ADAMTS17: variants seen among roughly 807,000 people sequenced by gnomAD.
ADAMTS17 encodes the protein ADAM metallopeptidase with thrombospondin type 1 motif 17.
In ADAMTS17, 113 loss-of-function variants were observed where a neutral mutation model predicts 141.5. The observed-to-expected ratio is 0.80, with a 90% confidence interval of 0.69 to 0.93. The LOEUF is 0.93. Among genes scored for constraint, ADAMTS17 ranks in the 40% least tolerant of loss-of-function variants. The probability of loss-of-function intolerance (pLI) is 0.00; values close to 1 mark genes in which losing one functional copy is unlikely to be tolerated. For synonymous variants in ADAMTS17, 768 were observed against 630.6 expected (o/e 1.22, Z -3.27); for missense variants, 1,659 against 1,517.9 (o/e 1.09, Z -1.54).
intron 4 of ADAMTS17, among the ~76,000 whole-genome samples, chr15:100,265,393 G>A (rs1384259979): frequency 7.2e-5 from 11 of 152,208 alleles, no homozygotes; most frequent in Non-Finnish European, 1.6e-4. Flanking sequence ...TGGTTGGGGA[G>A]GGAACAGCGC....
At position 100,310,985 on chromosome 15, in the gene ADAMTS17, C is replaced by T. The variant is rs538876772; in HGVS notation, c.616+19904G>A. On this transcript the variant is annotated intron_variant, in intron 3 of 21. Coordinates refer to ENST00000268070, the MANE Select transcript of ADAMTS17 (RefSeq NM_139057.4). ...CTGGAAAACGCTCAACAAAACTGGG[C>T]AGCAGCTGTCCCGGTGAGACTTTCT... Among the ~76,000 whole-genome samples the T allele has an allele frequency of 3.3e-5, 5 of 152,350 alleles. 1 individual carries two copies. Among genetic ancestry groups the T allele is most frequent in the Admixed American group, 3.3e-4 (5 of 15,300 alleles).
At chr15:100,339,433 T>C (rs1287568079) in intron 2 of ADAMTS17, among the ~76,000 whole-genome samples, 1 of 152,214 alleles carries the variant, frequency 6.6e-6, no homozygotes, top group African/African-American at 2.4e-5. Flanking sequence ...ACTTAGACTT[T>C]AAACACTTTG....
intron 3 of ADAMTS17, among the ~76,000 whole-genome samples, chr15:100,319,440 G>GA (rs1271495208): frequency 1.3e-5 from 2 of 152,346 alleles, no homozygotes; most frequent in East Asian, 3.9e-4. Flanking sequence ...TGGCTGGGCA[G>GA]TGGCTCACGC....
intron 8 of ADAMTS17, among the ~76,000 whole-genome samples, chr15:100,198,022 A>T (rs2041185960): frequency 6.6e-6 from 1 of 152,184 alleles, no homozygotes; most frequent in South Asian, 2.1e-4. Flanking sequence ...AGGGCCTGTT[A>T]GGGGATGGAG....
At chr15:100,059,336 C>G (rs1160671585) in intron 15 of ADAMTS17, among the ~76,000 whole-genome samples, 2 of 152,266 alleles carry the variant, frequency 1.3e-5, no homozygotes, top group East Asian at 3.8e-4. Context: ...CTTTCCAGCT[C>G]AGAGCCTGCA....
rs780946037 is a variant in ADAMTS17 at position 100,207,275 on chromosome 15, G to A, written c.1076-7852C>T. The stretch of plus-strand genomic sequence containing the variant: ...AGGACACAGTGAGAAGGCAGCTGTC[G>A]ACAAGCCAGGAAAGAGATTCCTTAT... On this transcript the variant is annotated intron_variant, in intron 7 of 21. Coordinates refer to ENST00000268070, the MANE Select transcript of ADAMTS17 (RefSeq NM_139057.4). Among the ~76,000 whole-genome samples the A allele has an allele frequency of 5.3e-5, 8 of 152,228 alleles. No homozygotes were observed. In the South Asian group the frequency reaches 8.3e-4, roughly 16 times the overall value.
At chr15:100,161,872 C>A (rs1473929523) in intron 8 of ADAMTS17, among the ~76,000 whole-genome samples, 1 of 152,214 alleles carries the variant, frequency 6.6e-6, no homozygotes, top group Non-Finnish European at 1.5e-5. Context: ...CATCAAAAGC[C>A]TCTCACTGCG....
chr15:100,135,574 C>A (rs545005861), intron 10 of ADAMTS17, among the ~76,000 whole-genome samples: 2 of 152,248 alleles, frequency 1.3e-5, no homozygotes, highest in South Asian at 2.1e-4. Flanking sequence ...TGAGCCACTG[C>A]GCCTGGCCAA....
At chr15:100,136,405 C>A (rs1186948586) in intron 10 of ADAMTS17, among the ~76,000 whole-genome samples, 1 of 152,176 alleles carries the variant, frequency 6.6e-6, no homozygotes, top group African/African-American at 2.4e-5. Flanking sequence ...CTCTCTGCAC[C>A]CAAGCCAAGT....
At position 99,971,645 on chromosome 15, in the gene ADAMTS17, G is replaced by A. The variant is rs994958939; in HGVS notation, c.*2757C>T. The A allele has an allele frequency of 1.3e-5, 2 of 152,132 alleles. No individual in the cohort carries two copies. Among genetic ancestry groups the A allele is most frequent in the South Asian group, 2.1e-4 (1 of 4,816 alleles). The allele number at this position is 152,132 out of a possible 1,614,324, so 9.4% of individuals were successfully genotyped here. On this transcript the variant is annotated 3_prime_UTR_variant, in exon 22 of 22. Coordinates refer to ENST00000268070, the MANE Select transcript of ADAMTS17 (RefSeq NM_139057.4). ...ATGGAAAATAGATACATTTGACTCT[G>A]AAACGAAAAAAGGACAATCGTATTG...
intron 15 of ADAMTS17, among the ~76,000 whole-genome samples, chr15:100,061,394 G>C (rs993331948): frequency 8.5e-5 from 13 of 152,152 alleles, no homozygotes; most frequent in Non-Finnish European, 1.5e-4. Flanking sequence ...AGGCACAGCC[G>C]AGCTCCGTGA....
chr15:100,184,433 A>G (rs1174804197), intron 8 of ADAMTS17, among the ~76,000 whole-genome samples: 1 of 152,102 alleles, frequency 6.6e-6, no homozygotes, highest in Non-Finnish European at 1.5e-5. Flanking sequence ...TTTCATTATC[A>G]TTTTATTGTT....
At chr15:99,977,382 A>T (rs1191503308) in intron 20 of ADAMTS17, among the ~76,000 whole-genome samples, 6,850 of 20,870 alleles carry the variant, frequency 0.33, 1,995 homozygotes, top group Non-Finnish European at 0.41. Context: ...ATATATATAT[A>T]TATATATATA....
At chr15:100,169,917 G>T (rs2040097008) in intron 8 of ADAMTS17, among the ~76,000 whole-genome samples, 1 of 152,136 alleles carries the variant, frequency 6.6e-6, no homozygotes. Context: ...GCCACTCCCG[G>T]GGGCACTCAG....
intron 3 of ADAMTS17, among the ~76,000 whole-genome samples, chr15:100,304,799 T>TA (rs1284439373): frequency 9.9e-5 from 15 of 152,210 alleles, no homozygotes; most frequent in Non-Finnish European, 1.5e-4. Flanking sequence ...CGGGCCCACT[T>TA]ATACATGGAT....
At chr15:100,161,141 T>C (rs979669254) in intron 8 of ADAMTS17, among the ~76,000 whole-genome samples, 1 of 152,184 alleles carries the variant, frequency 6.6e-6, no homozygotes, top group African/African-American at 2.4e-5. Context: ...CTTGATTTTA[T>C]CTTAAAATAA....
chr15:100,155,690 TCTGTTCCTTAGAGATAATCA>T (rs2039402144), intron 8 of ADAMTS17, among the ~76,000 whole-genome samples: 1 of 152,260 alleles, frequency 6.6e-6, no homozygotes, highest in Non-Finnish European at 1.5e-5. Context: ...TTTTGGTGTT[TCTGTTCCTTAGAGATAATCA>T]CTGTGCTAAC....
chr15:100,283,663 A>G (rs1428601899), intron 3 of ADAMTS17, among the ~76,000 whole-genome samples: 1 of 152,162 alleles, frequency 6.6e-6, no homozygotes, highest in Non-Finnish European at 1.5e-5. Context: ...AAGTTCTAGT[A>G]CAGAAAGAGC....
chr15:100,321,809 T>C (rs1388829052), intron 3 of ADAMTS17, among the ~76,000 whole-genome samples: 1 of 152,234 alleles, frequency 6.6e-6, no homozygotes, highest in Admixed American at 6.5e-5. Flanking sequence ...AATGAGACTA[T>C]AAATGATTCT....
Sources: gnomAD v4.1 joint callset for allele counts (sites outside exome capture counted in the v4.1 genomes callset) on GRCh38, gnomAD v4.1.1 for gene constraint, MANE v1.5 for transcripts, NCBI Gene and HGNC (gene_info 2026-07-23, HGNC 2026-07-21) for gene names.